RASSF1: variants seen among roughly 807,000 people sequenced by gnomAD.
The protein encoded by RASSF1 is Ras association domain family member 1.
In RASSF1, 33 loss-of-function variants were observed where a neutral mutation model predicts 34.3. That is an observed-to-expected ratio of 0.96 (90% CI 0.73 to 1.29). The LOEUF is 1.29. RASSF1 is among the 50% of genes most tolerant of loss of function. RASSF1 has a pLI of 0.00. For synonymous variants in RASSF1, 191 were observed against 195.0 expected (o/e 0.98, Z 0.17); for missense variants, 445 against 471.8 (o/e 0.94, Z 0.53).
chr3:50,340,641 C>T lies in RASSF1; in HGVS notation c.165G>A (p.Gln55=). The T allele has an allele frequency of 6.6e-7, 1 of 1,525,274 alleles. No individual in the cohort carries two copies. The highest frequency in any genetic ancestry group is 8.7e-7 in the Non-Finnish European group (1 of 1,146,714). The allele number at this position is 1,525,274 out of a possible 1,614,324, so 94.5% of individuals were successfully genotyped here. The change falls in exon 1 of 6, where the codon CAG becomes CAA. Residue 55 remains glutamine (Q), a synonymous_variant. Coordinates refer to ENST00000359365, the MANE Select transcript of RASSF1 (RefSeq NM_007182.5). ...QLVPGRGHRF[Q]PAGPATHTWC... ...ACGTGTGCGTGGCGGGCCCCGCGGG[C>T]TGGAAGCGGTGGCCACGGCCAGGGA...
Position 50,340,706 on chromosome 3 carries a change from T to G in RASSF1, c.100A>C (p.Ile34Leu), listed in dbSNP as rs1409733004. ...TRLERANALR[I>L]ARGTACNPTR... ...GGGTTGCACGCGGTGCCCCGCGCGA[T>G]GCGCAGCGCGTTGGCACGCTCCAGC... Residue 34 changes from isoleucine (I) to leucine (L), a missense_variant, in exon 1 of 6, where the codon ATC becomes CTC. Physicochemically the swap from Ile to Leu is conservative, Grantham distance 5. Coordinates refer to ENST00000359365, the MANE Select transcript of RASSF1 (RefSeq NM_007182.5). 6.5e-7 allele frequency: 1 copy of G among 1,528,220 alleles called. No individual in the cohort carries two copies. The highest frequency in any genetic ancestry group is 8.7e-7 in the Non-Finnish European group (1 of 1,148,028). 94.7% of individuals were successfully genotyped at this position (1,528,220 alleles called of 1,614,324 possible). A position where few individuals can be genotyped will look rare whatever the true frequency, so the allele number is the denominator to read the frequency against.
At chr3:50,335,716 G>C (rs1161956606) in intron 2 of RASSF1, among the ~76,000 whole-genome samples, 1 of 146,556 alleles carries the variant, frequency 6.8e-6, no homozygotes, top group Non-Finnish European at 1.5e-5. Context: ...CCCGGTTGAA[G>C]TGATTCAGTC....
At position 50,332,093 on chromosome 3, in the gene RASSF1, TTG is replaced by T; in HGVS notation, c.417_418del (p.Lys140GlyfsTer84). The T allele has an allele frequency of 6.2e-7, 1 of 1,614,188 alleles. No individual in the cohort carries two copies. Among genetic ancestry groups the T allele is most frequent in the Non-Finnish European group, 8.5e-7 (1 of 1,180,038 alleles). ...GCTGTTGATCTGGGCATTGTACTCC[TTG>T]ATCTTCTGCTCAATCTCAGCTTGAG... On this transcript the variant is annotated frameshift_variant, in exon 3 of 6. Coordinates refer to ENST00000359365, the MANE Select transcript of RASSF1 (RefSeq NM_007182.5). LOFTEE classifies it high-confidence loss of function.
chr3:50,337,655 T>A, intron 2 of RASSF1: 2 of 905,586 alleles, frequency 2.2e-6, no homozygotes, highest in Non-Finnish European at 3.3e-6. Flanking sequence ...GGCGGGAAGG[T>A]GCGGGAAGTG....
rs1055782040 is a variant in RASSF1 at position 50,330,541 on chromosome 3, C to T, written c.*40G>A. 5.6e-6 allele frequency: 9 copies of T among 1,610,750 alleles called. No individual in the cohort carries two copies. The highest frequency in any genetic ancestry group is 3.7e-4 in the Middle Eastern group (2 of 5,334). On this transcript the variant is annotated 3_prime_UTR_variant, in exon 6 of 6. Transcript: ENST00000359365. The surrounding 1 kb of genome is among the most constrained non-coding windows in gnomAD (Gnocchi z 4.5). ...TCACACTCACACGGCACGCACTTGG[C>T]GCTGCCTGCTGTCTGCCTTCCACCT...
At position 50,331,747 on chromosome 3, in the gene RASSF1, C is replaced by T. The variant is rs199896247; in HGVS notation, c.572G>A (p.Gly191Asp). ...CCTGACACTTGTGCCCCGTCCTGGG[C>T]CCCGCCGGGCATCCTGCAAGGAGGG... ...KPPSLQDARR[G>D]PGRGTSVRRR... Residue 191 changes from glycine to aspartate, a missense_variant, in exon 4 of 6, where the codon GGC becomes GAC. Gly to Asp is a moderately conservative substitution (Grantham distance 94). Coordinates refer to ENST00000359365, the MANE Select transcript of RASSF1 (RefSeq NM_007182.5). 2.0e-5 allele frequency: 33 copies of T among 1,610,920 alleles called. No homozygotes were observed. In the East Asian group the frequency reaches 5.1e-4, roughly 25 times the overall value.
Position 50,340,638 on chromosome 3 carries a change from G to A in RASSF1, c.168C>T (p.Pro56=). The A allele has an allele frequency of 2.0e-6, 3 of 1,524,980 alleles. No homozygotes were observed. The highest frequency in any genetic ancestry group is 2.7e-5 in the East Asian group (1 of 37,720). 94.5% of individuals were successfully genotyped at this position (1,524,980 alleles called of 1,614,324 possible). ...LVPGRGHRFQ[P]AGPATHTWCD... is the part of the protein sequence containing the mutation. ...ACCACGTGTGCGTGGCGGGCCCCGC[G>A]GGCTGGAAGCGGTGGCCACGGCCAG... Residue 56 remains proline, a synonymous_variant, in exon 1 of 6, where the codon CCC becomes CCT. Coordinates refer to ENST00000359365, the MANE Select transcript of RASSF1 (RefSeq NM_007182.5).
At chr3:50,337,827 C>G in intron 2 of RASSF1, 78 bp downstream of exon 2, 1 of 1,358,140 alleles carries the variant, frequency 7.4e-7, no homozygotes, top group African/African-American at 1.5e-5. Flanking sequence ...CGCGCGGCAC[C>G]CAGGCAGCCC....
chr3:50,338,297 A>C (rs1400145970), intron 1 of RASSF1: 26 of 1,032,060 alleles, frequency 2.5e-5, no homozygotes, highest in Admixed American at 4.4e-5. Flanking sequence ...ACAACAACAA[A>C]AAACTGCGTC....
chr3:50,337,121 G>A (rs1400777890), intron 2 of RASSF1: 1 of 1,522,858 alleles, frequency 6.6e-7, no homozygotes, highest in Non-Finnish European at 8.8e-7. Flanking sequence ...GGGGAGGGCG[G>A]AGCTCCAGCG....
intron 1 of RASSF1, among the ~76,000 whole-genome samples, chr3:50,339,877 T>C (rs1249075352): frequency 6.6e-6 from 1 of 152,118 alleles, no homozygotes; most frequent in Non-Finnish European, 1.5e-5. Context: ...TACTGATGCC[T>C]AGGGTCCACT....
intron 1 of RASSF1, 82 bp downstream of exon 1, chr3:50,340,474 C>A: frequency 7.3e-7 from 1 of 1,379,274 alleles, no homozygotes; most frequent in Non-Finnish European, 9.3e-7. Flanking sequence ...CCGACCCCCT[C>A]TGCCGCGACT....
At position 50,330,690 on chromosome 3, in the gene RASSF1, AG is replaced by A; in HGVS notation, c.913del (p.Leu305TyrfsTer67). 1 of 1,614,106 alleles carries A rather than the reference AG, an allele frequency of 6.2e-7. No individual in the cohort carries two copies. The highest frequency in any genetic ancestry group is 8.5e-7 in the Non-Finnish European group (1 of 1,179,996). On this transcript the variant is annotated frameshift_variant, in exon 6 of 6. Coordinates refer to ENST00000359365, the MANE Select transcript of RASSF1 (RefSeq NM_007182.5). LOFTEE classifies it high-confidence loss of function. The surrounding 1 kb of genome is among the most constrained non-coding windows in gnomAD (Gnocchi z 4.5). ...CTCCTCCTCCCGCTGCAGGATACGTAGGAAGTTATGTAGTTCAGGCATGCTG... is the reference window on the plus strand; with the variant it reads ...CTCCTCCTCCCGCTGCAGGATACGTAGAAGTTATGTAGTTCAGGCATGCTG... ...AFSMPELHNF[L>X]RILQREEEEH...
rs747712117 is a variant in RASSF1, at chr3:50,332,039, A to G, written c.462+11T>C. The stretch of plus-strand genomic sequence containing the variant: ...TCCTCCCCACGCCCCCTTCCTGAGC[A>G]GTCAACTCACCAAGCTCATGAAGAG... On this transcript the variant is annotated intron_variant, in intron 3 of 5. Transcript: ENST00000359365. 1.9e-6 allele frequency: 3 copies of G among 1,612,346 alleles called. No homozygotes were observed. Among genetic ancestry groups the G allele is most frequent in the Non-Finnish European group, 1.7e-6 (2 of 1,178,424 alleles).
intron 1 of RASSF1, 104 bp from the exon 2 acceptor site, chr3:50,338,115 G>A (rs775937379): frequency 4.3e-5 from 64 of 1,500,966 alleles, no homozygotes; most frequent in Non-Finnish European, 5.7e-5. Flanking sequence ...GCCAGGCTCC[G>A]CAGGCCCGAC....
chr3:50,340,691 C>T lies in RASSF1; in HGVS notation c.115G>A (p.Ala39Thr), dbSNP rs925362839. The T allele has an allele frequency of 6.5e-7, 1 of 1,531,672 alleles. No individual in the cohort carries two copies. The highest frequency in any genetic ancestry group is 8.7e-7 in the Non-Finnish European group (1 of 1,149,620). The allele number at this position is 1,531,672 out of a possible 1,614,324, so 94.9% of individuals were successfully genotyped here. A position where few individuals can be genotyped will look rare whatever the true frequency, so the allele number is the denominator to read the frequency against. Residue 39 changes from alanine (A) to threonine (T), a missense_variant, in exon 1 of 6, where the codon GCG becomes ACG. Physicochemically the swap from Ala to Thr is moderately conservative, Grantham distance 58. Transcript: ENST00000359365. ...ACCAGCTGCCGTGTGGGGTTGCACG[C>T]GGTGCCCCGCGCGATGCGCAGCGCG... The part of the protein sequence containing the change: ...ANALRIARGT[A>T]CNPTRQLVPG...
intron 2 of RASSF1, chr3:50,337,100 G>T: frequency 6.8e-7 from 1 of 1,469,284 alleles, no homozygotes; most frequent in Non-Finnish European, 9.0e-7. Context: ...CCCAGGACGC[G>T]GCAACGGACC....
Position 50,330,772 on chromosome 3 carries a change from C to T in RASSF1, c.877-45G>A, listed in dbSNP as rs781934631. The stretch of plus-strand genomic sequence containing the variant: ...AGTGTACAGGCTGCAGAAGGGATGG[C>T]CAAGCCAGCAGACCCTCCCCAGAGA... On this transcript the variant is annotated intron_variant, in intron 5 of 5. Coordinates refer to ENST00000359365, the MANE Select transcript of RASSF1 (RefSeq NM_007182.5). This position sits in a 1 kb window ranked among gnomAD's most constrained non-coding sequence, Gnocchi z 4.5. 1.3e-6 allele frequency: 2 copies of T among 1,594,992 alleles called. No individual in the cohort carries two copies. Among genetic ancestry groups the T allele is most frequent in the South Asian group, 2.2e-5 (2 of 90,048 alleles).
At chr3:50,337,327 C>G (rs1479233445) in intron 2 of RASSF1, 2 of 1,611,236 alleles carry the variant, frequency 1.2e-6, no homozygotes, top group Admixed American at 3.3e-5. Context: ...CATAGCCGTA[C>G]CCGCCCGTCC....
Sources: gnomAD v4.1 joint callset for allele counts (sites outside exome capture counted in the v4.1 genomes callset) on GRCh38, gnomAD v4.1.1 for gene constraint, Gnocchi (gnomAD v3.1) non-coding constraint, MANE v1.5 for transcripts, NCBI Gene and HGNC (gene_info 2026-07-23, HGNC 2026-07-21) for gene names.